The following RXFP1 variants were observed in gnomAD, a reference collection of about 807,000 sequenced individuals.
The protein encoded by RXFP1 is relaxin family peptide receptor 1.
RXFP1 carries 73 observed loss-of-function variants against 89.8 expected under a neutral mutation model. The observed-to-expected ratio is 0.81, with a 90% CI of 0.67 to 0.99. The LOEUF is 0.99. RXFP1 is among the 50% of genes least tolerant of loss of function. The pLI is 0.00. For missense variants in RXFP1, 793 were observed against 895.5 expected (o/e 0.89, Z 1.46); for synonymous variants, 277 against 305.5 (o/e 0.91, Z 0.97).
At chr4:158,552,287 T>A (rs758498037) in intron 1 of RXFP1, among the ~76,000 whole-genome samples, 3 of 151,726 alleles carry the variant, frequency 2.0e-5, no homozygotes, top group Non-Finnish European at 4.4e-5. Flanking sequence ...AAGAAAAGAG[T>A]TTTGTCATAA....
chr4:158,610,574 C>T, intron 6 of RXFP1: 1 of 642,372 alleles, frequency 1.6e-6, no homozygotes, highest in Non-Finnish European at 2.5e-6. Flanking sequence ...AAGTTCCAAA[C>T]CTGTGTTGCT....
chr4:158,628,397 C>T (rs1031714238), intron 10 of RXFP1, among the ~76,000 whole-genome samples: 2 of 152,152 alleles, frequency 1.3e-5, no homozygotes, highest in East Asian at 1.9e-4. Context: ...CACCATTTCT[C>T]GTGCAAAGCT....
At chr4:158,619,383 GC>G (rs966421359) in intron 9 of RXFP1, among the ~76,000 whole-genome samples, 1 of 152,174 alleles carries the variant, frequency 6.6e-6, no homozygotes, top group African/African-American at 2.4e-5. Flanking sequence ...ATTCTAACAA[GC>G]AACAAGAAGA....
intron 1 of RXFP1, among the ~76,000 whole-genome samples, chr4:158,536,559 A>C (rs1175567789): frequency 6.6e-6 from 1 of 152,192 alleles, no homozygotes; most frequent in Non-Finnish European, 1.5e-5. Context: ...AATACATTCA[A>C]TCATTCTTGC....
chr4:158,592,436 TG>T (rs1731419304), intron 2 of RXFP1, among the ~76,000 whole-genome samples: 2 of 151,962 alleles, frequency 1.3e-5, no homozygotes, highest in African/African-American at 4.8e-5. Context: ...TTGCTAGGCG[TG>T]GTGGCGGGTG....
intron 9 of RXFP1, among the ~76,000 whole-genome samples, chr4:158,620,197 G>A (rs916338710): frequency 2.0e-5 from 3 of 152,184 alleles, no homozygotes; most frequent in African/African-American, 4.8e-5. Context: ...AGCCTTAGCA[G>A]CAGAATGAAC....
rs201584410 is a variant in RXFP1, at chr4:158,646,851, G to A, written c.1406G>A (p.Arg469His). Residue 469 changes from arginine to histidine, a missense_variant, in exon 16 of 18, where the codon CGT becomes CAT. By Grantham distance (29) the Arg-to-His change is conservative. Transcript: ENST00000307765. ...FVIGGFDLKF[R>H]GEYNKHAQLW... ...ATCGGAGGCTTTGACCTAAAGTTTC[G>A]TGGAGAATACAATAAGCATGCGCAG... 50 of 1,614,062 alleles carry A rather than the reference G, an allele frequency of 3.1e-5. No homozygotes were observed. The highest frequency in any genetic ancestry group is 1.6e-4 in the Middle Eastern group (1 of 6,062).
intron 1 of RXFP1, among the ~76,000 whole-genome samples, chr4:158,542,154 G>T (rs551681077): frequency 1.4e-4 from 19 of 137,186 alleles, no homozygotes; most frequent in African/African-American, 5.1e-4. Context: ...TGACCAGGCT[G>T]GTCTCGAACT....
At chr4:158,527,564 A>AATATATATATACATAT (rs1742892557) in intron 1 of RXFP1, among the ~76,000 whole-genome samples, 1 of 98,338 alleles carries the variant, frequency 1.0e-5, no homozygotes, top group African/African-American at 3.5e-5. Flanking sequence ...AAAAAAAAAA[A>AATATATATATACATAT]ATATATATAT....
chr4:158,567,232 C>T (rs1168814714), intron 1 of RXFP1, among the ~76,000 whole-genome samples: 2 of 152,196 alleles, frequency 1.3e-5, no homozygotes, highest in East Asian at 3.9e-4. Context: ...ACGACCATGG[C>T]CCCCTGCTCC....
chr4:158,568,350 G>A (rs1754227272), intron 1 of RXFP1, among the ~76,000 whole-genome samples: 1 of 152,202 alleles, frequency 6.6e-6, no homozygotes, highest in Non-Finnish European at 1.5e-5. Context: ...GACATAAAAA[G>A]ATAATATTCA....
Position 158,644,974 on chromosome 4 carries a change from A to T in RXFP1, c.1181A>T (p.Asp394Val). ...PHVRSCKPNT[D>V]GISSLENLLA... is the part of the protein sequence containing the mutation. ...GTTCGCAGCTGTAAACCAAACACTG[A>T]TGGAATTTCATCTCTAGAGAATCTC... The change falls in exon 15 of 18, where the codon GAT becomes GTT. Residue 394 changes from aspartate (D) to valine (V), a missense_variant. Coordinates refer to ENST00000307765, the MANE Select transcript of RXFP1 (RefSeq NM_021634.4). The T allele has an allele frequency of 6.2e-7, 1 of 1,614,174 alleles. No individual in the cohort carries two copies. Among genetic ancestry groups the T allele is most frequent in the Non-Finnish European group, 8.5e-7 (1 of 1,180,006 alleles).
At chr4:158,540,865 G>A (rs1364799113) in intron 1 of RXFP1, among the ~76,000 whole-genome samples, 2 of 152,068 alleles carry the variant, frequency 1.3e-5, no homozygotes, top group Non-Finnish European at 2.9e-5. Flanking sequence ...TCCAAAAAAA[G>A]GCAAAAGCAG....
At chr4:158,568,195 C>T (rs1021349019) in intron 1 of RXFP1, among the ~76,000 whole-genome samples, 4 of 152,306 alleles carry the variant, frequency 2.6e-5, no homozygotes, top group African/African-American at 9.6e-5. Flanking sequence ...ACTCTAGACT[C>T]GCTGCTTCTA....
intron 1 of RXFP1, among the ~76,000 whole-genome samples, chr4:158,527,677 G>A (rs1368680387): frequency 6.6e-6 from 1 of 150,722 alleles, no homozygotes; most frequent in African/African-American, 2.4e-5. Flanking sequence ...CCCACAGTCT[G>A]ATCCTCAAGT....
intron 1 of RXFP1, among the ~76,000 whole-genome samples, chr4:158,559,047 T>C (rs1383030186): frequency 6.6e-6 from 1 of 152,270 alleles, no homozygotes; most frequent in Non-Finnish European, 1.5e-5. Context: ...GTTGCATAAG[T>C]TAAAATGTTG....
At chr4:158,605,194 C>A in intron 5 of RXFP1, 55 bp downstream of exon 5, 1 of 998,702 alleles carries the variant, frequency 1.0e-6, no homozygotes, top group Non-Finnish European at 1.6e-6. Flanking sequence ...TTGGCCATGT[C>A]TTTTTCTTCC....
At chr4:158,634,169 T>A (rs991538665) in intron 12 of RXFP1, among the ~76,000 whole-genome samples, 1 of 152,194 alleles carries the variant, frequency 6.6e-6, no homozygotes, top group Non-Finnish European at 1.5e-5. Context: ...TTTCTCCACA[T>A]CCTTCCCAAC....
At chr4:158,606,150 C>G (rs1762500540) in intron 5 of RXFP1, among the ~76,000 whole-genome samples, 1 of 152,184 alleles carries the variant, frequency 6.6e-6, no homozygotes, top group Non-Finnish European at 1.5e-5. Context: ...CAAGAGTACA[C>G]TGACTTATTC....
Sources: allele counts gnomAD v4.1 joint callset (sites outside exome capture counted in the v4.1 genomes callset), GRCh38; gene constraint gnomAD v4.1.1; transcripts MANE v1.5; gene names NCBI Gene and HGNC (gene_info 2026-07-23, HGNC 2026-07-21).